CIMIP7: variants seen among roughly 807,000 people sequenced by gnomAD.
The protein encoded by CIMIP7 is uncharacterized protein C3orf84.
At chr3:49,180,727 G>A in the CIMIP7 span, among the ~76,000 whole-genome samples, 20 of 151,440 alleles carry the variant, frequency 1.3e-4, no homozygotes, top group Non-Finnish European at 2.5e-4. Flanking sequence ...TCAGGAGATC[G>A]AGACCATCCT....
the CIMIP7 span, chr3:49,178,047 G>A: frequency 1.3e-6 from 2 of 1,598,232 alleles, no homozygotes; most frequent in East Asian, 2.2e-5. Context: ...GCAGGCAATA[G>A]GGACCCTCCT....
chr3:49,182,732 A>C, the CIMIP7 span, among the ~76,000 whole-genome samples: 1 of 152,044 alleles, frequency 6.6e-6, no homozygotes, highest in Non-Finnish European at 1.5e-5. Context: ...CTTGTTGGGG[A>C]GGCTCGGGCT....
chr3:49,188,146 G>A, the CIMIP7 span, among the ~76,000 whole-genome samples: 1 of 152,222 alleles, frequency 6.6e-6, no homozygotes, highest in Non-Finnish European at 1.5e-5. Context: ...GGGCAGTATG[G>A]AGCTGCATCT....
the CIMIP7 span, among the ~76,000 whole-genome samples, chr3:49,178,863 G>T: frequency 2.0e-5 from 3 of 152,210 alleles, no homozygotes; most frequent in East Asian, 1.9e-4. Flanking sequence ...ACTCTTGATT[G>T]CCCAGGACTC....
the CIMIP7 span, among the ~76,000 whole-genome samples, chr3:49,180,701 C>A: frequency 3.3e-5 from 5 of 152,078 alleles, no homozygotes; most frequent in Non-Finnish European, 5.9e-5. Flanking sequence ...GAGGCCGAGG[C>A]GGGCGGATCA....
chr3:49,177,768 C>T, the CIMIP7 span: 1 of 1,610,364 alleles, frequency 6.2e-7, no homozygotes, highest in Middle Eastern at 1.7e-4. Flanking sequence ...GCGCCTGGGG[C>T]CCTACCTTGT....
At chr3:49,185,912 C>T in the CIMIP7 span, among the ~76,000 whole-genome samples, 1 of 151,788 alleles carries the variant, frequency 6.6e-6, no homozygotes, top group African/African-American at 2.4e-5. Flanking sequence ...GTCTCAAACT[C>T]CTGACCTCAT....
chr3:49,187,059 T>C, the CIMIP7 span, among the ~76,000 whole-genome samples: 10 of 152,216 alleles, frequency 6.6e-5, no homozygotes, highest in Admixed American at 6.5e-4. Context: ...GTACATGTCT[T>C]TCCTGTCGGA....
the CIMIP7 span, chr3:49,177,704 G>A: frequency 6.2e-7 from 1 of 1,610,432 alleles, no homozygotes; most frequent in Non-Finnish European, 8.5e-7. Flanking sequence ...AGGTAGTGCT[G>A]CAGCAGCTTG....
At chr3:49,191,055 C>T in the CIMIP7 span, among the ~76,000 whole-genome samples, 1 of 152,136 alleles carries the variant, frequency 6.6e-6, no homozygotes, top group African/African-American at 2.4e-5. Flanking sequence ...GTGCTGATGT[C>T]ATTACGTGTA....
At chr3:49,185,037 G>T in the CIMIP7 span, among the ~76,000 whole-genome samples, 2 of 151,916 alleles carry the variant, frequency 1.3e-5, no homozygotes, top group African/African-American at 4.8e-5. Flanking sequence ...CGAGGTGGGT[G>T]GATCACCTGA....
chr3:49,186,884 T>A, the CIMIP7 span, among the ~76,000 whole-genome samples: 5 of 152,238 alleles, frequency 3.3e-5, no homozygotes, highest in Non-Finnish European at 5.9e-5. Context: ...AGGCAAAGTG[T>A]AAAAGAAATC....
the CIMIP7 span, chr3:49,177,916 G>T: frequency 6.2e-7 from 1 of 1,613,870 alleles, no homozygotes; most frequent in Non-Finnish European, 8.5e-7. Flanking sequence ...CCTGAAATCA[G>T]CCTGGTAAGA....
chr3:49,177,878 G>T, the CIMIP7 span: 1 of 1,613,858 alleles, frequency 6.2e-7, no homozygotes, highest in Non-Finnish European at 8.5e-7. Context: ...ATGAGGTGCT[G>T]GGGGAGGCCA....
chr3:49,178,929 T>C, the CIMIP7 span, among the ~76,000 whole-genome samples: 5 of 152,278 alleles, frequency 3.3e-5, no homozygotes, highest in African/African-American at 1.2e-4. Flanking sequence ...ACCCAGCCTC[T>C]TGGCTCTAAA....
At chr3:49,184,845 G>T in the CIMIP7 span, among the ~76,000 whole-genome samples, 1 of 150,768 alleles carries the variant, frequency 6.6e-6, no homozygotes, top group Admixed American at 6.6e-5. Flanking sequence ...GGCCAGGCTG[G>T]TCTTAAACTC....
the CIMIP7 span, among the ~76,000 whole-genome samples, chr3:49,180,355 C>CTCTTTCTA: frequency 6.6e-6 from 1 of 152,214 alleles, no homozygotes; most frequent in African/African-American, 2.4e-5. Context: ...CACTCCCATG[C>CTCTTTCTA]AGAGAAAGCC....
At chr3:49,190,663 ATTTTTTTTT>A in the CIMIP7 span, among the ~76,000 whole-genome samples, 38 of 99,978 alleles carry the variant, frequency 3.8e-4, no homozygotes, top group African/African-American at 1.5e-3. Flanking sequence ...GCCAGGCTGA[ATTTTTTTTT>A]TTTTTTTTTT....
At chr3:49,178,107 G>C in the CIMIP7 span, 1 of 1,478,268 alleles carries the variant, frequency 6.8e-7, no homozygotes, top group Non-Finnish European at 9.0e-7. Flanking sequence ...CACCTTCTTG[G>C]GCCCCTCCTA....
Sources: gnomAD v4.1 joint callset for allele counts (sites outside exome capture counted in the v4.1 genomes callset) on GRCh38, gnomAD v4.1.1 for gene constraint, MANE v1.5 for transcripts, NCBI Gene and HGNC (gene_info 2026-07-23, HGNC 2026-07-21) for gene names.